Variants in PPP1CB observed in about 807,000 individuals in gnomAD.
PPP1CB encodes protein phosphatase 1 catalytic subunit beta.
Under a neutral mutation model 43.7 loss-of-function variants are expected in PPP1CB, and 2 were observed. That is an observed-to-expected ratio of 0.05 (90% CI 0.02 to 0.14). The LOEUF is 0.14. Among genes scored for constraint, PPP1CB ranks in the 10% least tolerant of loss-of-function variants. The probability of loss-of-function intolerance (pLI) is 1.00; values close to 1 mark genes in which losing one functional copy is unlikely to be tolerated. For synonymous variants in PPP1CB, 136 were observed against 135.6 expected (o/e 1.00, Z -0.02); for missense variants, 84 against 398.0 (o/e 0.21, Z 6.71).
At chr2:28,791,479 T>C (rs2148058692) in intron 6 of PPP1CB, among the ~76,000 whole-genome samples, 1 of 152,216 alleles carries the variant, frequency 6.6e-6, no homozygotes, top group Non-Finnish European at 1.5e-5. Context: ...TACAGGTGTA[T>C]GCCACTAGCC....
intron 1 of PPP1CB, among the ~76,000 whole-genome samples, chr2:28,767,174 C>CT (rs1666797769): frequency 6.6e-6 from 1 of 152,220 alleles, no homozygotes; most frequent in African/African-American, 2.4e-5. Flanking sequence ...TGATAAATGA[C>CT]TTAACTTGGC....
At chr2:28,796,938 G>C (rs1667508253) in intron 7 of PPP1CB, among the ~76,000 whole-genome samples, 1 of 151,936 alleles carries the variant, frequency 6.6e-6, no homozygotes, top group Non-Finnish European at 1.5e-5. Flanking sequence ...ACTATTTTGA[G>C]GTATGTTCCT....
chr2:28,768,832 G>GA (rs1022919354), intron 1 of PPP1CB, among the ~76,000 whole-genome samples: 31 of 146,928 alleles, frequency 2.1e-4, no homozygotes, highest in South Asian at 6.4e-4. Context: ...AGTGCTGACA[G>GA]AAAAAAAAAA....
intron 5 of PPP1CB, among the ~76,000 whole-genome samples, chr2:28,786,929 T>A (rs1313943691): frequency 6.6e-6 from 1 of 152,194 alleles, no homozygotes; most frequent in Non-Finnish European, 1.5e-5. Flanking sequence ...GAATTGAGAC[T>A]GACTATTCCA....
chr2:28,773,845 T>C (rs1236072114), intron 1 of PPP1CB, among the ~76,000 whole-genome samples: 1 of 152,220 alleles, frequency 6.6e-6, no homozygotes, highest in Non-Finnish European at 1.5e-5. Flanking sequence ...CTTCTCTAAC[T>C]GCATTCATCA....
At chr2:28,759,402 C>A (rs1183632997) in intron 1 of PPP1CB, among the ~76,000 whole-genome samples, 1 of 151,584 alleles carries the variant, frequency 6.6e-6, no homozygotes, top group Non-Finnish European at 1.5e-5. Context: ...TGCCTGTAAT[C>A]CCAGTTACTC....
At chr2:28,764,216 T>C (rs186315892) in intron 1 of PPP1CB, among the ~76,000 whole-genome samples, 1 of 151,818 alleles carries the variant, frequency 6.6e-6, no homozygotes. Context: ...ATCCCAGCAC[T>C]TTGGGAGGCC....
intron 1 of PPP1CB, among the ~76,000 whole-genome samples, chr2:28,765,588 C>T (rs1666762557): frequency 6.6e-6 from 1 of 152,194 alleles, no homozygotes; most frequent in African/African-American, 2.4e-5. Context: ...ATGAAGATCT[C>T]ACTTGTCTTA....
intron 6 of PPP1CB, among the ~76,000 whole-genome samples, chr2:28,791,399 C>G (rs959298148): frequency 1.3e-5 from 2 of 152,006 alleles, no homozygotes; most frequent in African/African-American, 4.8e-5. Flanking sequence ...GGCACCATCT[C>G]GGCTCGCTGC....
At chr2:28,783,153 A>G (rs1417527966) in intron 4 of PPP1CB, among the ~76,000 whole-genome samples, 1 of 152,182 alleles carries the variant, frequency 6.6e-6, no homozygotes, top group Non-Finnish European at 1.5e-5. Context: ...TCATGAAGAT[A>G]ATGAACATGT....
intron 6 of PPP1CB, among the ~76,000 whole-genome samples, chr2:28,793,153 C>T (rs13019397): frequency 0.4 from 60,466 of 151,884 alleles, 13,143 homozygotes; most frequent in Middle Eastern, 0.51. Context: ...TGTAGTGAGC[C>T]GAGATCATGC....
chr2:28,774,093 C>T (rs891222654), intron 1 of PPP1CB, among the ~76,000 whole-genome samples: 5 of 152,122 alleles, frequency 3.3e-5, no homozygotes, highest in African/African-American at 4.8e-5. Context: ...AGTTGAAGCA[C>T]TTTATAGTTC....
intron 3 of PPP1CB, among the ~76,000 whole-genome samples, chr2:28,780,140 G>T (rs1667128216): frequency 7.1e-6 from 1 of 141,722 alleles, no homozygotes; most frequent in Non-Finnish European, 1.5e-5. Context: ...CCAGGCTGGA[G>T]TGCAATGGCA....
intron 2 of PPP1CB, chr2:28,778,554 T>C: frequency 2.0e-6 from 1 of 507,272 alleles, no homozygotes; most frequent in Non-Finnish European, 3.8e-6. Context: ...GGATGCTTCA[T>C]TAGACAGCTG....
chr2:28,783,756 C>CT, intron 4 of PPP1CB, 151 bp from the exon 5 acceptor site: 1 of 542,852 alleles, frequency 1.8e-6, no homozygotes, highest in Non-Finnish European at 3.2e-6. Context: ...GATTCTGTCT[C>CT]GAAAAAAAAA....
chr2:28,769,849 AT>A (rs1666864543), intron 1 of PPP1CB, among the ~76,000 whole-genome samples: 1 of 152,240 alleles, frequency 6.6e-6, no homozygotes, highest in Non-Finnish European at 1.5e-5. Flanking sequence ...TAGTAAAAAA[AT>A]AACTGATTAC....
intron 4 of PPP1CB, among the ~76,000 whole-genome samples, chr2:28,783,244 G>A (rs1667192560): frequency 6.6e-6 from 1 of 152,122 alleles, no homozygotes; most frequent in South Asian, 2.1e-4. Flanking sequence ...AAGATTAGTG[G>A]TAAGAACTGG....
At position 28,766,937 on chromosome 2, in the gene PPP1CB, C is replaced by T. The variant is rs556203011; in HGVS notation, c.53-9914C>T. Among the ~76,000 whole-genome samples the T allele has an allele frequency of 9.2e-5, 14 of 152,030 alleles. No homozygotes were observed. In the South Asian group the frequency reaches 1.5e-3, roughly 16 times the overall value. On this transcript the variant is annotated intron_variant, in intron 1 of 7. Transcript: ENST00000395366. ...TCTACTAAAAATACAAAAAATTAGC[C>T]GGGCGTGGTGGCGGGCACCTGTGGT...
chr2:28,769,581 A>G (rs1356184574), intron 1 of PPP1CB, among the ~76,000 whole-genome samples: 1 of 152,254 alleles, frequency 6.6e-6, no homozygotes, highest in African/African-American at 2.4e-5. Flanking sequence ...TTGCAAGAAA[A>G]TAACAGATAA....
Sources: allele counts gnomAD v4.1 joint callset (sites outside exome capture counted in the v4.1 genomes callset), GRCh38; gene constraint gnomAD v4.1.1; transcripts MANE v1.5; gene names NCBI Gene and HGNC (gene_info 2026-07-23, HGNC 2026-07-21).